OCM: variants seen among roughly 807,000 people sequenced by gnomAD.
OCM encodes the protein oncomodulin-1.
Under a neutral mutation model 14.1 loss-of-function variants are expected in OCM, and 18 were observed. The ratio of observed to expected loss-of-function variants is 1.28; its 90% CI spans 0.88 to 1.89. The LOEUF is 1.89. OCM is among the 40% of genes most tolerant of loss of function. The pLI is 0.00. For missense variants in OCM, 140 were observed against 137.6 expected, an observed-to-expected ratio of 1.02 and a Z score of -0.09; for synonymous variants, 48 against 51.0, an observed-to-expected ratio of 0.94 and a Z score of 0.25.
At chr7:5,859,737 G>A in the OCM span, among the ~76,000 whole-genome samples, 1 of 151,508 alleles carries the variant, frequency 6.6e-6, no homozygotes, top group Non-Finnish European at 1.5e-5. Context: ...CGTTCTTGTT[G>A]TCCAGGCTGG....
At chr7:5,867,430 A>G in the OCM span, among the ~76,000 whole-genome samples, 5,597 of 152,170 alleles carry the variant, frequency 0.037, 420 homozygotes, top group East Asian at 0.31. Flanking sequence ...GTTTTAAACA[A>G]TTTTATAATA....
chr7:5,882,110 A>G lies in OCM; in HGVS notation c.62-383A>G, dbSNP rs56046691. On this transcript the variant is annotated intron_variant, in intron 1 of 3. Coordinates refer to ENST00000242104, the MANE Select transcript of OCM (RefSeq NM_001097622.2). The stretch of plus-strand genomic sequence containing the variant: ...CAAAAAAAAAAAAAAAAAAAAAAAA[A>G]AAAAAAAAAGCGCCAAAGGCCATTT... Among the ~76,000 whole-genome samples, 64 of 107,492 alleles carry G rather than the reference A, an allele frequency of 6.0e-4. 6 individuals are homozygous for G. Among genetic ancestry groups the G allele is most frequent in the Admixed American group, 9.8e-4 (9 of 9,186 alleles). The allele number at this position is 107,492 out of a possible 152,430, so 70.5% of individuals were successfully genotyped here. A position where few individuals can be genotyped will look rare whatever the true frequency, so the allele number is the denominator to read the frequency against.
the OCM span, among the ~76,000 whole-genome samples, chr7:5,860,809 CACACAT>C: frequency 8.6e-6 from 1 of 116,022 alleles, no homozygotes; most frequent in East Asian, 2.7e-4. Context: ...TACACACATA[CACACAT>C]ACATATATAT....
At chr7:5,868,475 C>T in the OCM span, among the ~76,000 whole-genome samples, 3 of 152,080 alleles carry the variant, frequency 2.0e-5, no homozygotes, top group African/African-American at 7.2e-5. Context: ...GCCTTTTCTT[C>T]CCCCAACAAT....
the OCM span, among the ~76,000 whole-genome samples, chr7:5,868,738 G>A: frequency 6.6e-6 from 1 of 152,040 alleles, no homozygotes; most frequent in East Asian, 1.9e-4. Context: ...AACAGCTCTG[G>A]GCTACCCAGA....
the OCM span, among the ~76,000 whole-genome samples, chr7:5,869,708 G>A: frequency 6.6e-6 from 1 of 151,938 alleles, no homozygotes; most frequent in Admixed American, 6.6e-5. Context: ...TCCCACCTGC[G>A]TTACCCCAGA....
the OCM span, among the ~76,000 whole-genome samples, chr7:5,870,898 T>A: frequency 6.6e-6 from 1 of 151,898 alleles, no homozygotes; most frequent in Non-Finnish European, 1.5e-5. Flanking sequence ...AGTATCTTTT[T>A]TTTTTTAGAC....
At chr7:5,880,178 T>C (rs1235347436), upstream of OCM, among the ~76,000 whole-genome samples, 3 of 152,224 alleles carry the variant, frequency 2.0e-5, no homozygotes, top group African/African-American at 7.2e-5. Flanking sequence ...AACTGTATCC[T>C]TTCCCACGTG....
the OCM span, among the ~76,000 whole-genome samples, chr7:5,860,147 A>G: frequency 6.6e-6 from 1 of 151,870 alleles, no homozygotes; most frequent in Admixed American, 6.6e-5. Flanking sequence ...CTCTCTCATT[A>G]TGTGGGGTTT....
At chr7:5,869,295 T>A in the OCM span, among the ~76,000 whole-genome samples, 1 of 151,774 alleles carries the variant, frequency 6.6e-6, no homozygotes, top group South Asian at 2.1e-4. Context: ...GCTGGAGTCT[T>A]AAAATATTTC....
upstream of OCM, among the ~76,000 whole-genome samples, chr7:5,875,969 G>A (rs1378945383): frequency 1.3e-5 from 2 of 151,720 alleles, no homozygotes; most frequent in South Asian, 2.1e-4. Flanking sequence ...CTGAGCAGCC[G>A]GCACCACAGG....
the OCM span, among the ~76,000 whole-genome samples, chr7:5,873,586 G>A: frequency 6.6e-6 from 1 of 151,934 alleles, no homozygotes; most frequent in Admixed American, 6.6e-5. Context: ...CTCAAGCAAT[G>A]CTCCTGCCTC....
At chr7:5,870,468 A>G in the OCM span, among the ~76,000 whole-genome samples, 4,895 of 152,292 alleles carry the variant, frequency 0.032, 166 homozygotes, top group African/African-American at 0.085. Context: ...TGGGGCCAGA[A>G]CAAGTCCTTA....
chr7:5,865,528 G>T, the OCM span, among the ~76,000 whole-genome samples: 1 of 151,912 alleles, frequency 6.6e-6, no homozygotes, highest in Non-Finnish European at 1.5e-5. Flanking sequence ...GTCATTTATG[G>T]TGGCCATCCC....
At chr7:5,873,419 C>T in the OCM span, among the ~76,000 whole-genome samples, 2 of 152,102 alleles carry the variant, frequency 1.3e-5, no homozygotes, top group African/African-American at 4.8e-5. Context: ...TAAAAATTAG[C>T]CTGGGGTGGT....
At chr7:5,869,753 C>G in the OCM span, among the ~76,000 whole-genome samples, 2 of 152,098 alleles carry the variant, frequency 1.3e-5, no homozygotes, top group African/African-American at 4.8e-5. Context: ...AACAACTCAC[C>G]GCCCTGCCCA....
chr7:5,875,036 A>G (rs568005686), upstream of OCM, among the ~76,000 whole-genome samples: 8 of 146,486 alleles, frequency 5.5e-5, no homozygotes, highest in African/African-American at 1.0e-4. Context: ...ATCTATATCT[A>G]TATCTATATA....
chr7:5,869,073 A>T, the OCM span, among the ~76,000 whole-genome samples: 2 of 152,018 alleles, frequency 1.3e-5, no homozygotes, highest in Non-Finnish European at 2.9e-5. Context: ...AAAAACAAAC[A>T]AAACAAAACA....
the OCM span, among the ~76,000 whole-genome samples, chr7:5,863,846 A>G: frequency 5.3e-5 from 8 of 151,968 alleles, no homozygotes; most frequent in South Asian, 6.2e-4. Flanking sequence ...GGTTCATGTT[A>G]TAGCTAAGGC....
Sources: gnomAD v4.1 joint callset for allele counts (sites outside exome capture counted in the v4.1 genomes callset) on GRCh38, gnomAD v4.1.1 for gene constraint, MANE v1.5 for transcripts, NCBI Gene and HGNC (gene_info 2026-07-23, HGNC 2026-07-21) for gene names.